The following ZBTB38 variants were observed in gnomAD, a reference collection of about 807,000 sequenced individuals.
ZBTB38 encodes the protein zinc finger and BTB domain-containing protein 38.
ZBTB38 carries 20 observed loss-of-function variants against 76.8 expected under a neutral mutation model. The observed-to-expected ratio is 0.26, with a 90% confidence interval of 0.18 to 0.38. The LOEUF is 0.38. Ranked by LOEUF, ZBTB38 falls within the 10% of genes least tolerant of loss-of-function variation. The pLI, the probability that ZBTB38 is intolerant of heterozygous loss-of-function variation, is 1.00. For missense variants in ZBTB38, 1,082 were observed against 1,482.3 expected, an observed-to-expected ratio of 0.73 and a Z score of 4.43; for synonymous variants, 504 against 544.2, an observed-to-expected ratio of 0.93 and a Z score of 1.03.
At chr3:141,330,651 C>G (rs948070169) in intron 1 of ZBTB38, among the ~76,000 whole-genome samples, 1 of 152,204 alleles carries the variant, frequency 6.6e-6, no homozygotes, top group Non-Finnish European at 1.5e-5. Flanking sequence ...ATGCTCCCCT[C>G]AAAATTCACG....
intron 5 of ZBTB38, among the ~76,000 whole-genome samples, chr3:141,422,314 C>T (rs1200484419): frequency 6.6e-6 from 1 of 152,178 alleles, no homozygotes; most frequent in Admixed American, 6.5e-5. Context: ...CCCCACCTCT[C>T]GGGCCAGGAC....
intron 5 of ZBTB38, chr3:141,426,055 A>G: frequency 9.6e-7 from 1 of 1,041,192 alleles, no homozygotes; most frequent in Non-Finnish European, 1.3e-6. Flanking sequence ...CTCCTGTCAA[A>G]TGATGTCACA....
upstream of ZBTB38, among the ~76,000 whole-genome samples, chr3:141,365,714 A>G (rs939179452): frequency 6.6e-6 from 1 of 152,164 alleles, no homozygotes; most frequent in Admixed American, 6.5e-5. Context: ...GTGGTCATCT[A>G]GGGCTGGTAG....
At chr3:141,328,630 C>T (rs1325622104) in intron 1 of ZBTB38, among the ~76,000 whole-genome samples, 1 of 152,142 alleles carries the variant, frequency 6.6e-6, no homozygotes, top group Non-Finnish European at 1.5e-5. Context: ...TACCTGGACT[C>T]CTCCAGCCCC....
At chr3:141,382,793 T>A (rs188218270) in intron 3 of ZBTB38, among the ~76,000 whole-genome samples, 1 of 152,284 alleles carries the variant, frequency 6.6e-6, no homozygotes, top group East Asian at 1.9e-4. Context: ...GGGTAGAGGC[T>A]GATTCATATG....
In ZBTB38 at chr3:141,441,046, A is replaced by G. The variant is rs796835238; in HGVS notation, c.1-1343A>G. 4.1e-4 allele frequency among the ~76,000 whole-genome samples: 63 copies of G among 151,852 alleles called. 1 individual carries two copies. Among genetic ancestry groups the G allele is most frequent in the East Asian group, 1.2e-3 (6 of 5,190 alleles). On this transcript the variant is annotated intron_variant, in intron 5 of 5. Transcript: ENST00000321464. ...AGACTCAATCTCAAAAAAAAAAAAA[A>G]AAAAGAAAAGAAAAAGAAAGAAAAG...
chr3:141,416,619 TC>T (rs2150031337), intron 5 of ZBTB38, among the ~76,000 whole-genome samples: 1 of 152,294 alleles, frequency 6.6e-6, no homozygotes, highest in East Asian at 1.9e-4. Context: ...AAAAGATGTG[TC>T]CATGTCCCAG....
intron 5 of ZBTB38, among the ~76,000 whole-genome samples, chr3:141,439,436 T>C (rs2079587066): frequency 6.6e-6 from 1 of 152,242 alleles, no homozygotes; most frequent in Admixed American, 6.5e-5. Context: ...TATAATGATA[T>C]TTATTGTATA....
chr3:141,353,353 T>C (rs1290050921), intron 1 of ZBTB38, among the ~76,000 whole-genome samples: 1 of 152,080 alleles, frequency 6.6e-6, no homozygotes, highest in Non-Finnish European at 1.5e-5. Context: ...CCCTTTTGCA[T>C]CACTTACCCC....
Position 141,392,276 on chromosome 3 carries a change from C to CT in ZBTB38, c.-106+5340dup, listed in dbSNP as rs548266647. Among the ~76,000 whole-genome samples, 282 of 152,186 alleles carry CT rather than the reference C, an allele frequency of 1.9e-3. 2 individuals are homozygous for CT. Among genetic ancestry groups the CT allele is most frequent in the African/African-American group, 6.5e-3 (268 of 41,500 alleles). On this transcript the variant is annotated intron_variant, in intron 4 of 5. Coordinates refer to ENST00000321464, the MANE Select transcript of ZBTB38 (RefSeq NM_001376113.1). ...AGGGGGCTGGTGGTAAAGGGGCTCT[C>CT]TGCCCATTAGTGGGGAAGGGGACTG...
In ZBTB38 at chr3:141,337,415, A is replaced by G. The variant is rs558290095; in HGVS notation, c.-739+12959A>G. ...ATGAGGCGTTGCCTGTGGTCTGGTCACAGGACCAAATTAGACAAAAGCTGA... is the reference window on the plus strand; with the variant it reads ...ATGAGGCGTTGCCTGTGGTCTGGTCGCAGGACCAAATTAGACAAAAGCTGA... On this transcript the variant is annotated intron_variant, in intron 1 of 7. Transcript: ENST00000509842. Among the ~76,000 whole-genome samples, 273 of 152,358 alleles carry G rather than the reference A, an allele frequency of 1.8e-3. 7 individuals carry two copies. In the South Asian group the frequency reaches 0.036, roughly 20 times the overall value.
intron 1 of ZBTB38, among the ~76,000 whole-genome samples, chr3:141,359,355 G>A (rs1296840589): frequency 6.6e-6 from 1 of 152,190 alleles, no homozygotes; most frequent in African/African-American, 2.4e-5. Flanking sequence ...CCCTTCATGT[G>A]CCATTGGCCA....
At chr3:141,433,975 G>T (rs988026848) in intron 5 of ZBTB38, 5 of 153,012 alleles carry the variant, frequency 3.3e-5, no homozygotes, top group Non-Finnish European at 7.3e-5. Flanking sequence ...GAACTCGAAG[G>T]CACTTTCTCA....
chr3:141,431,050 C>T (rs562098367), intron 5 of ZBTB38, among the ~76,000 whole-genome samples: 7 of 151,960 alleles, frequency 4.6e-5, no homozygotes, highest in South Asian at 4.2e-4. Context: ...GGGCCAGGCA[C>T]GGTGGCTCAC....
At chr3:141,349,076 C>T (rs143884873) in intron 1 of ZBTB38, among the ~76,000 whole-genome samples, 3 of 152,272 alleles carry the variant, frequency 2.0e-5, no homozygotes, top group African/African-American at 7.2e-5. Flanking sequence ...TGAAATACCC[C>T]AAAGGAGCAC....
At chr3:141,331,742 T>G (rs981553351) in intron 1 of ZBTB38, among the ~76,000 whole-genome samples, 9 of 152,132 alleles carry the variant, frequency 5.9e-5, no homozygotes, top group Non-Finnish European at 1.5e-5. Context: ...TGTTTCCCAT[T>G]CATGGGTTTG....
intron 3 of ZBTB38, among the ~76,000 whole-genome samples, chr3:141,383,426 T>C (rs1322524555): frequency 6.6e-6 from 1 of 152,198 alleles, no homozygotes; most frequent in Non-Finnish European, 1.5e-5. Flanking sequence ...CTGACAACAA[T>C]GTACCCACAA....
At chr3:141,365,501 CATTAATCCATTAACCA>C (rs906943399), upstream of ZBTB38, among the ~76,000 whole-genome samples, 48 of 152,188 alleles carry the variant, frequency 3.2e-4, no homozygotes, top group African/African-American at 1.1e-3. Flanking sequence ...TGTGATAACC[CATTAATCCATTAACCA>C]ATTAATCCAT....
At chr3:141,335,703 C>G (rs1006263912) in intron 1 of ZBTB38, among the ~76,000 whole-genome samples, 1 of 152,236 alleles carries the variant, frequency 6.6e-6, no homozygotes, top group Non-Finnish European at 1.5e-5. Flanking sequence ...CCAGAGGCAC[C>G]TCTGCTGAAC....
Sources: gnomAD v4.1 joint callset for allele counts (sites outside exome capture counted in the v4.1 genomes callset) on GRCh38, gnomAD v4.1.1 for gene constraint, MANE v1.5 for transcripts, NCBI Gene and HGNC (gene_info 2026-07-23, HGNC 2026-07-21) for gene names.